Variants in TCF20 observed in about 807,000 individuals in gnomAD.
TCF20 encodes the protein transcription factor 20, also known as SPRE-binding protein.
Under a neutral mutation model 148.6 loss-of-function variants are expected in TCF20, and 3 were observed. The observed-to-expected ratio is 0.02, with a 90% CI of 0.01 to 0.05. The LOEUF is 0.05. Among genes scored for constraint, TCF20 ranks in the 10% least tolerant of loss-of-function variants. The pLI is 1.00. For synonymous variants in TCF20, 1,049 were observed against 909.5 expected (o/e 1.15, Z -2.76); for missense variants, 2,350 against 2,429.3 (o/e 0.97, Z 0.69).
intron 2 of TCF20, among the ~76,000 whole-genome samples, chr22:42,203,483 A>C (rs1366890344): frequency 1.3e-5 from 2 of 152,238 alleles, no homozygotes; most frequent in African/African-American, 4.8e-5. Context: ...TATGCAATAA[A>C]ATTCAAAACT....
intron 2 of TCF20, among the ~76,000 whole-genome samples, chr22:42,208,881 AAC>A (rs1938575860): frequency 6.6e-6 from 1 of 152,238 alleles, no homozygotes; most frequent in Admixed American, 6.5e-5. Flanking sequence ...TAGAGTAGCC[AAC>A]ACAACCATGA....
intron 1 of TCF20, among the ~76,000 whole-genome samples, chr22:42,262,725 A>G (rs1309512731): frequency 6.6e-6 from 1 of 152,074 alleles, no homozygotes; most frequent in Non-Finnish European, 1.5e-5. Flanking sequence ...AGAGACACTG[A>G]GCTCAGCAGG....
At chr22:42,307,496 G>A (rs189844622) in intron 1 of TCF20, among the ~76,000 whole-genome samples, 130 of 152,330 alleles carry the variant, frequency 8.5e-4, no homozygotes, top group African/African-American at 3.0e-3. Flanking sequence ...CTCACGGGAT[G>A]TAAATTCAGA....
At chr22:42,248,306 CAT>C (rs1197113560) in intron 1 of TCF20, among the ~76,000 whole-genome samples, 3 of 152,216 alleles carry the variant, frequency 2.0e-5, no homozygotes, top group Non-Finnish European at 2.9e-5. Flanking sequence ...TTTGAAGCCA[CAT>C]AGAGTTGCAT....
At chr22:42,325,038 A>G (rs5758709) in intron 1 of TCF20, among the ~76,000 whole-genome samples, 63,149 of 152,164 alleles carry the variant, frequency 0.42, 13,386 homozygotes, top group East Asian at 0.58. Flanking sequence ...TTGTCTTCCC[A>G]CCCTGCTGGG....
chr22:42,211,389 T>C lies in TCF20; in HGVS notation c.3917A>G (p.Gln1306Arg), dbSNP rs754572570. The C allele has an allele frequency of 2.5e-6, 4 of 1,614,088 alleles. No homozygotes were observed. The African/African-American group carries it at 4.0e-5, about 16-fold the overall frequency. The change falls in exon 2 of 6, where the codon CAG (glutamine) becomes CGG (arginine). Residue 1306 changes from glutamine (Q) to arginine (R), a missense_variant. Around this residue, in one of 7 missense-constraint regions of TCF20, gnomAD observed 1,641 missense variants for 1,662.6 expected, o/e 0.99. Coordinates refer to ENST00000677622, the MANE Select transcript of TCF20 (RefSeq NM_001378418.1). Reference sequence around the variant, plus strand: ...TCTCTTAGGGATAGACTTGATATCCTGACTGTGAGAAAGATGGGCATAGGA... The same window carrying C: ...TCTCTTAGGGATAGACTTGATATCCCGACTGTGAGAAAGATGGGCATAGGA... ...FNSYAHLSHS[Q>R]DIKSIPKRDS...
chr22:42,189,399 T>C (rs1041093934), intron 2 of TCF20, among the ~76,000 whole-genome samples: 2 of 152,200 alleles, frequency 1.3e-5, no homozygotes, highest in African/African-American at 4.8e-5. Context: ...TACTTTCTCC[T>C]AGAAAGATTC....
rs1921084121 is a variant in TCF20 at position 42,212,505 on chromosome 22, T to G, written c.2801A>C (p.Glu934Ala). 1 of 1,614,092 alleles carries G rather than the reference T, an allele frequency of 6.2e-7. No individual in the cohort carries two copies. Among genetic ancestry groups the G allele is most frequent in the Non-Finnish European group, 8.5e-7 (1 of 1,180,044 alleles). The change falls in exon 2 of 6, where the codon GAA becomes GCA. Residue 934 changes from glutamate (E) to alanine (A), a missense_variant. By Grantham distance (107) the Glu-to-Ala change is moderately radical. This residue lies in a region of TCF20 where 1,641 missense variants were observed against 1,662.6 expected (regional missense o/e 0.99). Transcript: ENST00000677622. ...GAAACTAGCTTGAGATTTAGACTGT[T>G]CAAAGTCTTCCTCTTTTATCTGCCC... ...QSGQIKEEDF[E>A]QSKSQASFNN...
intron 1 of TCF20, among the ~76,000 whole-genome samples, chr22:42,296,333 G>A (rs9623554): frequency 0.17 from 25,544 of 152,220 alleles, 2,481 homozygotes; most frequent in East Asian, 0.36. Context: ...ACAGGCCTGA[G>A]GATGTGAACA....
At position 42,211,801 on chromosome 22, in the gene TCF20, C is replaced by T. The variant is rs748434188; in HGVS notation, c.3505G>A (p.Gly1169Ser). The change falls in exon 2 of 6, where the codon GGT (glycine) becomes AGT (serine). Residue 1169 changes from glycine to serine, a missense_variant. By Grantham distance (56) the Gly-to-Ser change is moderately conservative. This residue lies in a region of TCF20 where 1,641 missense variants were observed against 1,662.6 expected (regional missense o/e 0.99). Coordinates refer to ENST00000677622, the MANE Select transcript of TCF20 (RefSeq NM_001378418.1). ...EAGRCLMSSD[G>S]LPNKGMELKH... The stretch of plus-strand genomic sequence containing the variant: ...AATTCCATGCCCTTGTTAGGCAGAC[C>T]ATCACTAGACATTAGGCAGCGCCCA... The T allele has an allele frequency of 2.5e-6, 4 of 1,614,142 alleles. 1 individual carries two copies. The South Asian group carries it at 4.4e-5, about 18-fold the overall frequency.
At chr22:42,245,148 C>A (rs1924798172) in intron 1 of TCF20, among the ~76,000 whole-genome samples, 1 of 152,120 alleles carries the variant, frequency 6.6e-6, no homozygotes, top group African/African-American at 2.4e-5. Flanking sequence ...CTAGGACATG[C>A]AAGAGCAAGT....
chr22:42,313,781 G>T (rs1927580037), intron 1 of TCF20, among the ~76,000 whole-genome samples: 1 of 151,968 alleles, frequency 6.6e-6, no homozygotes, highest in South Asian at 2.1e-4. Context: ...TGTATTTTTA[G>T]TAGAGACAGG....
chr22:42,213,595 G>C lies in TCF20; in HGVS notation c.1711C>G (p.Leu571Val). 1 of 1,614,122 alleles carries C rather than the reference G, an allele frequency of 6.2e-7. No homozygotes were observed. Among genetic ancestry groups the C allele is most frequent in the South Asian group, 1.1e-5 (1 of 91,082 alleles). ...TCTCTTGCGGCAGGACTAGCATTGAGTCTGGGGGGTTCATTCTGAGCACCT... is the reference window on the plus strand; with the variant it reads ...TCTCTTGCGGCAGGACTAGCATTGACTCTGGGGGGTTCATTCTGAGCACCT... ...AQGAQNEPPR[L>V]NASPAAREEA... Residue 571 changes from leucine to valine, a missense_variant, in exon 2 of 6, where the codon CTC becomes GTC. Physicochemically the swap from Leu to Val is conservative, Grantham distance 32 (BLOSUM62 1). Coordinates refer to ENST00000677622, the MANE Select transcript of TCF20 (RefSeq NM_001378418.1).
At chr22:42,194,062 G>A (rs1937474972) in intron 2 of TCF20, among the ~76,000 whole-genome samples, 1 of 152,142 alleles carries the variant, frequency 6.6e-6, no homozygotes, top group African/African-American at 2.4e-5. Context: ...TCAAATTAAG[G>A]AGCTAAAGGC....
rs757629623 is a variant in TCF20, at chr22:42,277,098, CTCTG to C, written c.-37+6725_-37+6728del. On this transcript the variant is annotated intron_variant, in intron 1 of 5. Coordinates refer to the TCF20 transcript ENST00000359486. ...TTCTCTCCCAGGTCTCATTCTGCCT[CTCTG>C]TCTAACTAGACAAGTTGGCTTCCTG... is the stretch of plus-strand genomic sequence containing the variant. 17 of 152,396 alleles carry C rather than the reference CTCTG, an allele frequency of 1.1e-4. No homozygotes were observed. In the East Asian group the frequency reaches 2.9e-3, roughly 26 times the overall value. The allele number at this position is 152,396 out of a possible 1,614,324, so 9.4% of individuals were successfully genotyped here. A position where few individuals can be genotyped will look rare whatever the true frequency, so the allele number is the denominator to read the frequency against.
chr22:42,173,864 C>T (rs713811), intron 3 of TCF20, among the ~76,000 whole-genome samples: 49,354 of 152,016 alleles, frequency 0.32, 10,690 homozygotes, highest in African/African-American at 0.62. Flanking sequence ...GACAGCCCTA[C>T]CCTCACTCCT....
At chr22:42,330,712 G>A (rs944089369) in intron 1 of TCF20, among the ~76,000 whole-genome samples, 7 of 152,228 alleles carry the variant, frequency 4.6e-5, no homozygotes, top group African/African-American at 1.7e-4. Context: ...TGCCTTGAGG[G>A]CTGTGGGCAC....
chr22:42,315,322 C>T (rs1927609512), intron 1 of TCF20, among the ~76,000 whole-genome samples: 1 of 152,164 alleles, frequency 6.6e-6, no homozygotes, highest in African/African-American at 2.4e-5. Context: ...ACAGTGGGCT[C>T]CATCTGGGGT....
At chr22:42,296,912 A>C (rs571074160) in intron 1 of TCF20, among the ~76,000 whole-genome samples, 3 of 152,338 alleles carry the variant, frequency 2.0e-5, no homozygotes, top group African/African-American at 7.2e-5. Context: ...CAGCAACTAC[A>C]GCTGACACTC....
Sources: gnomAD v4.1 joint callset for allele counts (sites outside exome capture counted in the v4.1 genomes callset) on GRCh38, gnomAD v4.1.1 for gene constraint, gnomAD v4.1.1 regional missense constraint, MANE v1.5 for transcripts, NCBI Gene and HGNC (gene_info 2026-07-23, HGNC 2026-07-21) for gene names.